Variants in DNAH5 observed in about 807,000 individuals in gnomAD.
The protein encoded by DNAH5 is axonemal beta dynein heavy chain 5.
In DNAH5, 372 loss-of-function variants were observed where a neutral mutation model predicts 518.2. The ratio of observed to expected loss-of-function variants is 0.72; its 90% confidence interval spans 0.66 to 0.78. The LOEUF (loss-of-function observed/expected upper bound fraction) is 0.78. Ranked by LOEUF, DNAH5 falls within the 30% of genes least tolerant of loss-of-function variation. The probability of loss-of-function intolerance (pLI) is 0.00; values close to 1 mark genes in which losing one functional copy is unlikely to be tolerated. For missense variants in DNAH5, 5,523 were observed against 5,687.0 expected, an observed-to-expected ratio of 0.97 and a Z score of 0.93; for synonymous variants, 2,039 against 2,025.9, an observed-to-expected ratio of 1.01 and a Z score of -0.17.
rs11956116 is a variant in DNAH5 at position 13,817,262 on chromosome 5, T to C, written c.6988+286A>G. Among the ~76,000 whole-genome samples, 60,386 of 152,056 alleles carry C rather than the reference T, an allele frequency of 0.4. 12,129 individuals carry two copies. Among genetic ancestry groups the C allele is most frequent in the East Asian group, 0.61 (3,137 of 5,154 alleles). On this transcript the variant is annotated intron_variant, in intron 42 of 78. Transcript: ENST00000265104. ...TATGGTAAAATCACTTTATTCAATA[T>C]TATCAATTTTCCTTAACAGCTTTTT...
intron 74 of DNAH5, among the ~76,000 whole-genome samples, chr5:13,715,227 G>A (rs1042245588): frequency 1.3e-5 from 2 of 152,026 alleles, no homozygotes; most frequent in Non-Finnish European, 2.9e-5. Flanking sequence ...GAAAATTTAC[G>A]GACAATTTGA....
intron 46 of DNAH5, among the ~76,000 whole-genome samples, chr5:13,808,568 A>G (rs1760047058): frequency 6.6e-6 from 1 of 152,250 alleles, no homozygotes; most frequent in African/African-American, 2.4e-5. Context: ...GAACTATTCA[A>G]CTCATATTTT....
At chr5:13,782,011 C>CTAGT (rs1420532709) in intron 52 of DNAH5, among the ~76,000 whole-genome samples, 2 of 152,114 alleles carry the variant, frequency 1.3e-5, no homozygotes, top group African/African-American at 4.8e-5. Flanking sequence ...GTTGAATGGA[C>CTAGT]TAGTTACACC....
chr5:13,925,341 T>C (rs1777757419), intron 3 of DNAH5, among the ~76,000 whole-genome samples: 2 of 152,226 alleles, frequency 1.3e-5, no homozygotes, highest in Admixed American at 6.5e-5. Context: ...ATCTTCTCCC[T>C]GGCCCCCATC....
intron 78 of DNAH5, among the ~76,000 whole-genome samples, chr5:13,698,253 T>C (rs1039338294): frequency 2.6e-5 from 4 of 152,230 alleles, no homozygotes; most frequent in African/African-American, 9.6e-5. Context: ...TGTAGTATTT[T>C]GTTATAGCAA....
At chr5:13,769,162 C>T (rs368710494) in intron 57 of DNAH5, 26 bp from the exon 58 acceptor site, 15 of 1,610,812 alleles carry the variant, frequency 9.3e-6, no homozygotes, top group Non-Finnish European at 1.3e-5. Context: ...GCAAGCAATA[C>T]TTCACCAAAC....
In DNAH5 at chr5:13,830,661, T is replaced by C. The variant is rs1439675416; in HGVS notation, c.5997A>G (p.Lys1999=). The C allele has an allele frequency of 6.2e-6, 10 of 1,614,212 alleles. No individual in the cohort carries two copies. Among genetic ancestry groups the C allele is most frequent in the East Asian group, 2.2e-5 (1 of 44,884 alleles). The change falls in exon 36 of 79, where the codon AAA becomes AAG. Residue 1999 remains lysine (K), a synonymous_variant. Coordinates refer to ENST00000265104, the MANE Select transcript of DNAH5 (RefSeq NM_001369.3). ...CTGAACAATTGAAAACCACGACGTA[T>C]TTCCCGAGGCATCGTCCCATGTCTT... ...TTKDMGRCLG[K]YVVVFNCSDQ...
chr5:13,862,235 GGTCTCA>G (rs1449846378), intron 29 of DNAH5, among the ~76,000 whole-genome samples: 73 of 152,090 alleles, frequency 4.8e-4, no homozygotes, highest in African/African-American at 1.3e-3. Context: ...TCCAGTGGAT[GGTCTCA>G]GACATACCCC....
At chr5:13,720,881 G>C in intron 71 of DNAH5, 119 bp downstream of exon 71, 5 of 1,375,984 alleles carry the variant, frequency 3.6e-6, no homozygotes, top group East Asian at 2.4e-5. Flanking sequence ...ACGCTGTTTA[G>C]TAAACAGCAG....
intron 12 of DNAH5, among the ~76,000 whole-genome samples, chr5:13,903,247 T>G (rs1455559091): frequency 1.3e-5 from 2 of 151,766 alleles, no homozygotes; most frequent in African/African-American, 4.8e-5. Context: ...AAAAGAAAAC[T>G]GATGAACTAC....
At chr5:13,797,820 A>G (rs1354429931) in intron 47 of DNAH5, among the ~76,000 whole-genome samples, 1 of 152,180 alleles carries the variant, frequency 6.6e-6, no homozygotes, top group Non-Finnish European at 1.5e-5. Flanking sequence ...TCCATCAATG[A>G]TAGACTGGAT....
intron 1 of DNAH5, among the ~76,000 whole-genome samples, chr5:13,979,284 C>A (rs536584497): frequency 6.6e-6 from 1 of 152,154 alleles, no homozygotes; most frequent in African/African-American, 2.4e-5. Flanking sequence ...TTTCAATTCC[C>A]CCCACCATAC....
At chr5:13,706,703 C>A (rs771382025) in intron 76 of DNAH5, among the ~76,000 whole-genome samples, 1 of 152,230 alleles carries the variant, frequency 6.6e-6, no homozygotes, top group Non-Finnish European at 1.5e-5. Flanking sequence ...CAAAGACACT[C>A]AGGAACTCAC....
Position 13,867,967 on chromosome 5 carries a change from T to C in DNAH5, c.3860A>G (p.Tyr1287Cys). The change falls in exon 25 of 79, where the codon TAT (tyrosine) becomes TGT (cysteine). Residue 1287 changes from tyrosine to cysteine, a missense_variant. Around this residue, in one of 3 missense-constraint regions of DNAH5, gnomAD observed 5,121 missense variants for 5,223.3 expected, o/e 0.98. Transcript: ENST00000265104. ...IEESYALLNRYGLLIAREEID... is the reference protein window; with the variant it reads ...IEESYALLNRCGLLIAREEID... Reference sequence around the variant, plus strand: ...CTCTTCCCTTGCTATCAGAAGTCCATATCTGTTAAGCAGGGCATAAGATTC... The same window carrying C: ...CTCTTCCCTTGCTATCAGAAGTCCACATCTGTTAAGCAGGGCATAAGATTC... The C allele has an allele frequency of 1.2e-6, 2 of 1,613,294 alleles. No homozygotes were observed. The highest frequency in any genetic ancestry group is 8.5e-7 in the Non-Finnish European group (1 of 1,179,794).
intron 54 of DNAH5, 149 bp from the exon 55 acceptor site, chr5:13,776,855 C>G (rs899622246): frequency 1.6e-5 from 14 of 883,754 alleles, no homozygotes; most frequent in Non-Finnish European, 2.4e-5. Flanking sequence ...AAATACACTA[C>G]GTTTTAAAAT....
chr5:13,815,087 G>C lies in DNAH5; in HGVS notation c.6989-241C>G, dbSNP rs954514422. Among the ~76,000 whole-genome samples the C allele has an allele frequency of 2.0e-5, 3 of 152,150 alleles. No homozygotes were observed. The South Asian group carries it at 6.2e-4, about 32-fold the overall frequency. On this transcript the variant is annotated intron_variant, in intron 42 of 78. Coordinates refer to ENST00000265104, the MANE Select transcript of DNAH5 (RefSeq NM_001369.3). ...TTTGTTTATTGGACAAATATTCATT[G>C]AGCACCTTGCATATGTCACTGTTCT...
chr5:13,810,317 C>G, intron 44 of DNAH5, 57 bp from the exon 45 acceptor site: 2 of 1,471,590 alleles, frequency 1.4e-6, no homozygotes, highest in Admixed American at 3.9e-5. Flanking sequence ...AAACGTTGCT[C>G]TAGGGTTTCA....
chr5:13,770,668 C>A, intron 56 of DNAH5, 81 bp downstream of exon 56: 1 of 1,322,794 alleles, frequency 7.6e-7, no homozygotes. Context: ...CCGGTCATTG[C>A]AAAATAGCCA....
chr5:13,871,451 G>T, intron 23 of DNAH5, 113 bp downstream of exon 23: 2 of 918,460 alleles, frequency 2.2e-6, no homozygotes, highest in Non-Finnish European at 3.4e-6. Context: ...AAAGCTTGAG[G>T]CCCATAAAGT....
Sources: allele counts gnomAD v4.1 joint callset (sites outside exome capture counted in the v4.1 genomes callset), GRCh38; gene constraint gnomAD v4.1.1; regional missense constraint gnomAD v4.1.1; transcripts MANE v1.5; gene names NCBI Gene and HGNC (gene_info 2026-07-23, HGNC 2026-07-21).